The following LCN12 variants were observed in gnomAD, a reference collection of about 807,000 sequenced individuals.
LCN12 encodes lipocalin 12.
A neutral mutation model predicts 23.7 loss-of-function variants in LCN12; 15 were observed. That is an observed-to-expected ratio of 0.63 (90% CI 0.42 to 0.97). LCN12 has a LOEUF of 0.97. LCN12 is among the 50% of genes least tolerant of loss of function. LCN12 has a pLI of 0.00. For missense variants in LCN12, 219 were observed against 249.6 expected (o/e 0.88, Z 0.83); for synonymous variants, 116 against 111.5 (o/e 1.04, Z -0.25).
At position 136,954,205 on chromosome 9, in the gene LCN12, G is replaced by A; in HGVS notation, c.500G>A (p.Gly167Asp). 1.3e-6 allele frequency: 2 copies of A among 1,577,484 alleles called. No individual in the cohort carries two copies. The highest frequency in any genetic ancestry group is 1.7e-6 in the Non-Finnish European group (2 of 1,161,026). ...PGTLDQFICL[G>D]RAQGLSDDNI... ...ACGCTGGACCAGTTCATCTGCCTGG[G>A]CAGAGCTCAGGGCCTCTCGGATGAC... is the stretch of plus-strand genomic sequence containing the variant. The change falls in exon 5 of 6, where the codon GGC becomes GAC. Residue 167 changes from glycine (G) to aspartate (D), a missense_variant. Coordinates refer to ENST00000371633, the MANE Select transcript of LCN12 (RefSeq NM_178536.4).
chr9:136,952,859 C>T, intron 1 of LCN12, 33 bp from the exon 2 acceptor site: 3 of 1,587,534 alleles, frequency 1.9e-6, no homozygotes, highest in Non-Finnish European at 2.6e-6. Flanking sequence ...CACCCCTGCC[C>T]ACCGCCGCCC....
In LCN12 at chr9:136,952,943, G is replaced by A. The variant is rs761543873; in HGVS notation, c.166G>A (p.Glu56Lys). The A allele has an allele frequency of 1.2e-6, 2 of 1,613,960 alleles. No homozygotes were observed. The highest frequency in any genetic ancestry group is 1.1e-5 in the South Asian group (1 of 91,092). ...CCTGGCGGGCAACAGCTTCAGGCCGGAGCACAGGGCGCTGCTGAACGCTTT... is the reference window on the plus strand; with the variant it reads ...CCTGGCGGGCAACAGCTTCAGGCCGAAGCACAGGGCGCTGCTGAACGCTTT... ...LGLAGNSFRP[E>K]HRALLNAFTA... is the part of the protein sequence containing the mutation. The change falls in exon 2 of 6, where the codon GAG becomes AAG. Residue 56 changes from glutamate to lysine, a missense_variant. Glu to Lys is a moderately conservative substitution (Grantham distance 56, BLOSUM62 1). Transcript: ENST00000371633.
Position 136,953,056 on chromosome 9 carries a change from C to A in LCN12, c.251+28C>A, listed in dbSNP as rs115757662. 3,679 of 1,612,192 alleles carry A rather than the reference C, an allele frequency of 2.3e-3. 62 individuals are homozygous for A. In the African/African-American group the frequency reaches 0.042, roughly 18 times the overall value. ...GAGTGGCTGTCCCTGCCGTTCCAAG[C>A]GGGTGAGGAGGATCCCGGGCCTGGG... On this transcript the variant is annotated intron_variant, in intron 2 of 5. Transcript: ENST00000371633.
chr9:136,954,128 C>T, intron 4 of LCN12, 26 bp from the exon 5 acceptor site: 2 of 1,534,036 alleles, frequency 1.3e-6, no homozygotes, highest in Non-Finnish European at 1.8e-6. Flanking sequence ...AGTGCACAGA[C>T]CCATGCTGGG....
At position 136,953,361 on chromosome 9, in the gene LCN12, CT is replaced by C. The variant is rs1394938073; in HGVS notation, c.251+336del. ...CTGGCTCACACCTGTAATCCTAGCA[CT>C]TTGGGGGCCGGGCGCGGTCGCGCAC... On this transcript the variant is annotated intron_variant, in intron 2 of 5. Coordinates refer to ENST00000371633, the MANE Select transcript of LCN12 (RefSeq NM_178536.4). 4.1e-4 allele frequency: 39 copies of C among 94,004 alleles called. 3 individuals are homozygous for C. The highest frequency in any genetic ancestry group is 3.4e-3 in the Middle Eastern group (1 of 292). 5.8% of individuals were successfully genotyped at this position (94,004 alleles called of 1,614,324 possible).
At chr9:136,949,197 T>C (rs771782329), upstream of LCN12, among the ~76,000 whole-genome samples, 4 of 152,328 alleles carry the variant, frequency 2.6e-5, no homozygotes, top group South Asian at 2.1e-4. Flanking sequence ...GTTCAAGATC[T>C]GACTGGGTGG....
chr9:136,956,360 T>A (rs1588478224), downstream of LCN12, among the ~76,000 whole-genome samples: 1 of 152,226 alleles, frequency 6.6e-6, no homozygotes, highest in East Asian at 1.9e-4. Context: ...CCTTCTGCCA[T>A]CATGTGCACC....
chr9:136,953,518 T>G (rs1851227157), intron 2 of LCN12, 182 bp from the exon 3 acceptor site: 2 of 580,674 alleles, frequency 3.4e-6, no homozygotes, highest in African/African-American at 3.8e-5. Context: ...GAAGGATCAC[T>G]TGAACTCAGG....
intron 1 of LCN12, 170 bp from the exon 2 acceptor site, chr9:136,952,722 C>T (rs1332367621): frequency 4.0e-6 from 3 of 754,956 alleles, no homozygotes; most frequent in African/African-American, 1.8e-5. Flanking sequence ...CATGTCCCTG[C>T]CAGACCCAGA....
intron 1 of LCN12, 80 bp downstream of exon 1, chr9:136,952,521 G>T (rs1383000550): frequency 8.8e-5 from 91 of 1,029,616 alleles, no homozygotes; most frequent in Non-Finnish European, 1.3e-4. Context: ...CAGGCCTGGG[G>T]ATGCTGCCCA....
chr9:136,954,944 G>T (rs908949535), intron 5 of LCN12: 2 of 1,259,226 alleles, frequency 1.6e-6, no homozygotes, highest in African/African-American at 3.1e-5. Context: ...GAGCAAACGT[G>T]TACAGACTGG....
intron 5 of LCN12, 84 bp from the exon 6 acceptor site, chr9:136,955,287 C>A (rs1232033896): frequency 1.9e-6 from 3 of 1,555,452 alleles, no homozygotes; most frequent in Admixed American, 1.8e-5. Context: ...ACCTGCCCCT[C>A]CTTTGTGCCC....
chr9:136,949,963 C>T (rs990885981), upstream of LCN12, among the ~76,000 whole-genome samples: 17 of 152,164 alleles, frequency 1.1e-4, no homozygotes, highest in South Asian at 6.2e-4. Context: ...GGCTCACTGG[C>T]GTGTGCTGCC....
At chr9:136,955,065 C>T (rs554696932) in intron 5 of LCN12, 2 of 1,405,044 alleles carry the variant, frequency 1.4e-6, no homozygotes, top group South Asian at 1.5e-5. Flanking sequence ...CCTGCACACA[C>T]CTGCACACTC....
Position 136,953,747 on chromosome 9 carries a change from A to T in LCN12, c.299A>T (p.Gln100Leu). The T allele has an allele frequency of 6.2e-7, 1 of 1,606,128 alleles. No homozygotes were observed. The highest frequency in any genetic ancestry group is 8.5e-7 in the Non-Finnish European group (1 of 1,176,726). Residue 100 changes from glutamine to leucine, a missense_variant, in exon 3 of 6, where the codon CAG (glutamine) becomes CTG (leucine). Gln to Leu is a moderately radical substitution (Grantham distance 113, BLOSUM62 -2). Coordinates refer to ENST00000371633, the MANE Select transcript of LCN12 (RefSeq NM_178536.4). ...TCTTATGTGCTGATACCGGCAGCCCAGCCTGGGCAGTTCACTGTGGACCAC... is the reference window on the plus strand; with the variant it reads ...TCTTATGTGCTGATACCGGCAGCCCTGCCTGGGCAGTTCACTGTGGACCAC... ...TWSYVLIPAA[Q>L]PGQFTVDHGV... is the part of the protein sequence containing the mutation.
chr9:136,954,944 G>A (rs908949535), intron 5 of LCN12: 2 of 1,259,226 alleles, frequency 1.6e-6, no homozygotes, highest in Admixed American at 3.3e-5. Context: ...GAGCAAACGT[G>A]TACAGACTGG....
rs1246165187 is a variant in LCN12, at chr9:136,954,165, T to C, written c.460T>C (p.Leu154=). ...LRISLLGRSW[L]LPPGTLDQFI... ...TCCCTGGGCTGCAGGCAGGAGCTGG[T>C]TGCTGCCTCCCGGGACGCTGGACCA... Residue 154 remains leucine, a synonymous_variant, in exon 5 of 6, where the codon TTG becomes CTG. Coordinates refer to ENST00000371633, the MANE Select transcript of LCN12 (RefSeq NM_178536.4). The C allele has an allele frequency of 1.3e-6, 2 of 1,559,856 alleles. No homozygotes were observed. Among genetic ancestry groups the C allele is most frequent in the Non-Finnish European group, 1.7e-6 (2 of 1,151,088 alleles).
chr9:136,955,769 G>C (rs377168488), downstream of LCN12, among the ~76,000 whole-genome samples: 1 of 152,222 alleles, frequency 6.6e-6, no homozygotes, highest in African/African-American at 2.4e-5. Context: ...GTGGGAGTTC[G>C]CAGGCTCTTC....
At chr9:136,955,154 C>G (rs1335845079) in intron 5 of LCN12, 4 of 1,417,392 alleles carry the variant, frequency 2.8e-6, no homozygotes, top group Admixed American at 3.0e-5. Context: ...TCCTGAGGAC[C>G]TGGGGCTGTT....
Sources: allele counts gnomAD v4.1 joint callset (sites outside exome capture counted in the v4.1 genomes callset), GRCh38; gene constraint gnomAD v4.1.1; transcripts MANE v1.5; gene names NCBI Gene and HGNC (gene_info 2026-07-23, HGNC 2026-07-21).